ITGAV: variants seen among roughly 807,000 people sequenced by gnomAD.
ITGAV encodes the protein integrin subunit alpha V, also known as integrin alpha-V.
Under a neutral mutation model 143.8 loss-of-function variants are expected in ITGAV, and 76 were observed. The ratio of observed to expected loss-of-function variants is 0.53; its 90% CI spans 0.44 to 0.64. ITGAV has a LOEUF of 0.64. ITGAV is among the 30% of genes least tolerant of loss of function. The pLI, the probability that ITGAV is intolerant of heterozygous loss-of-function variation, is 0.00. For synonymous variants in ITGAV, 453 were observed against 446.7 expected (o/e 1.01, Z -0.18); for missense variants, 1,193 against 1,274.7 (o/e 0.94, Z 0.98).
intron 1 of ITGAV, among the ~76,000 whole-genome samples, chr2:186,592,483 T>C (rs1440272968): frequency 4.0e-5 from 6 of 151,744 alleles, no homozygotes; most frequent in African/African-American, 1.2e-4. Flanking sequence ...CAAAATAAAG[T>C]TGATGGCAGT....
At chr2:186,603,052 G>T (rs1686958040) in intron 2 of ITGAV, among the ~76,000 whole-genome samples, 1 of 152,146 alleles carries the variant, frequency 6.6e-6, no homozygotes, top group African/African-American at 2.4e-5. Context: ...AAAATAGCAT[G>T]TGTAAGATGA....
chr2:186,668,447 C>T, intron 24 of ITGAV: 1 of 269,770 alleles, frequency 3.7e-6, no homozygotes, highest in South Asian at 3.6e-5. Context: ...CCACGTTGGC[C>T]AGGCTGGACA....
At chr2:186,657,955 A>G (rs1052621273) in intron 17 of ITGAV, among the ~76,000 whole-genome samples, 2 of 88,204 alleles carry the variant, frequency 2.3e-5, no homozygotes, top group Non-Finnish European at 4.9e-5. Flanking sequence ...CTTTGAAAGA[A>G]AAAAAAAACC....
intron 2 of ITGAV, among the ~76,000 whole-genome samples, chr2:186,618,261 G>T (rs1251525588): frequency 6.6e-6 from 1 of 152,240 alleles, no homozygotes; most frequent in Non-Finnish European, 1.5e-5. Flanking sequence ...ACATGAGGTT[G>T]TAACTCTGTT....
rs1559065978 is a variant in ITGAV at position 186,663,833 on chromosome 2, T to C, written c.1923T>C (p.Asp641=). ...AACCCAAGCTGGAAGTTTCTGTAGA[T>C]AGGTAAGTTTTGCTTGAAATAATAA... is the stretch of plus-strand genomic sequence containing the variant. The part of the protein sequence containing the change: ...VCKPKLEVSV[D]SDQKKIYIGD... The change falls in exon 19 of 30, where the codon GAT becomes GAC. Residue 641 remains aspartate, a splice_region_variant and synonymous_variant. Coordinates refer to ENST00000261023, the MANE Select transcript of ITGAV (RefSeq NM_002210.5). 3 of 1,605,452 alleles carry C rather than the reference T, an allele frequency of 1.9e-6. No individual in the cohort carries two copies. Among genetic ancestry groups the C allele is most frequent in the Non-Finnish European group, 1.7e-6 (2 of 1,172,598 alleles).
chr2:186,600,266 A>G, intron 1 of ITGAV: 1 of 1,375,288 alleles, frequency 7.3e-7, no homozygotes, highest in Non-Finnish European at 1.0e-6. Flanking sequence ...TGCCTCACAT[A>G]TTCCCTCCAT....
chr2:186,637,325 C>A (rs1687972914), intron 8 of ITGAV, among the ~76,000 whole-genome samples: 1 of 151,256 alleles, frequency 6.6e-6, no homozygotes, highest in Non-Finnish European at 1.5e-5. Context: ...CTAGAAAAAA[C>A]ACAAAAATTA....
At chr2:186,671,468 T>G (rs1689061291) in intron 26 of ITGAV, among the ~76,000 whole-genome samples, 1 of 152,156 alleles carries the variant, frequency 6.6e-6, no homozygotes, top group South Asian at 2.1e-4. Context: ...GTGGCTTATT[T>G]TCCCATATCC....
intron 26 of ITGAV, among the ~76,000 whole-genome samples, chr2:186,673,568 T>A (rs1559070377): frequency 6.6e-6 from 1 of 152,206 alleles, no homozygotes; most frequent in South Asian, 2.1e-4. Flanking sequence ...TACCATTTTT[T>A]CAACAATATT....
At chr2:186,671,974 CAG>C (rs1689077115) in intron 26 of ITGAV, among the ~76,000 whole-genome samples, 2 of 122,514 alleles carry the variant, frequency 1.6e-5, no homozygotes, top group Admixed American at 1.0e-4. Context: ...TTTTTTGAGA[CAG>C]AGTCTCGCTC....
chr2:186,664,512 T>C lies in ITGAV; in HGVS notation c.1944T>C (p.Tyr648=). The C allele has an allele frequency of 6.2e-7, 1 of 1,614,036 alleles. No individual in the cohort carries two copies. ...CTTGTAGTGATCAAAAGAAGATCTA[T>C]ATTGGGGATGACAACCCTCTGACAT... ...VSVDSDQKKI[Y]IGDDNPLTLI... is the part of the protein sequence containing the mutation. The change falls in exon 20 of 30, where the codon TAT becomes TAC. Residue 648 remains tyrosine (Y), a synonymous_variant. Transcript: ENST00000261023.
chr2:186,665,533 C>G (rs1381631473), intron 21 of ITGAV, among the ~76,000 whole-genome samples: 1 of 152,074 alleles, frequency 6.6e-6, no homozygotes, highest in East Asian at 1.9e-4. Context: ...CTTAATGGAT[C>G]CTGAAAAGCT....
Position 186,678,768 on chromosome 2 carries a change from A to G in ITGAV, c.*1476A>G, listed in dbSNP as rs1484656785. The G allele has an allele frequency of 1.1e-5, 5 of 455,508 alleles. No homozygotes were observed. Among genetic ancestry groups the G allele is most frequent in the Admixed American group, 9.4e-5 (4 of 42,502 alleles). The allele number at this position is 455,508 out of a possible 1,614,324, so 28.2% of individuals were successfully genotyped here. On this transcript the variant is annotated 3_prime_UTR_variant, in exon 30 of 30. Coordinates refer to ENST00000261023, the MANE Select transcript of ITGAV (RefSeq NM_002210.5). ...ACATCATGTTGTACATTAGAAATGGAGAGTTTAATAGCTCTTTAACTGCTG... is the reference window on the plus strand; with the variant it reads ...ACATCATGTTGTACATTAGAAATGGGGAGTTTAATAGCTCTTTAACTGCTG...
At chr2:186,641,340 A>G (rs749751864) in intron 11 of ITGAV, 46 bp from the exon 12 acceptor site, 2 of 1,471,402 alleles carry the variant, frequency 1.4e-6, no homozygotes, top group East Asian at 2.3e-5. Context: ...GCCTACTAAG[A>G]CATGAAATTT....
At chr2:186,643,206 A>C (rs548855438) in intron 12 of ITGAV, among the ~76,000 whole-genome samples, 1 of 152,348 alleles carries the variant, frequency 6.6e-6, no homozygotes, top group Non-Finnish European at 1.5e-5. Flanking sequence ...GATCTAGCCA[A>C]CATCTCTTCC....
Position 186,633,004 on chromosome 2 carries a change from C to G in ITGAV, c.586-325C>G, listed in dbSNP as rs146337338. ...TACTAGATAGATAGATAGATAGATA[C>G]ATAGACAGATAGATACATAGACAGA... On this transcript the variant is annotated intron_variant, in intron 5 of 29. Coordinates refer to ENST00000261023, the MANE Select transcript of ITGAV (RefSeq NM_002210.5). Among the ~76,000 whole-genome samples, 815 of 149,128 alleles carry G rather than the reference C, an allele frequency of 5.5e-3. 3 individuals carry two copies. Among genetic ancestry groups the G allele is most frequent in the African/African-American group, 0.019 (778 of 40,294 alleles).
chr2:186,656,458 C>T lies in ITGAV; in HGVS notation c.1719+57C>T, dbSNP rs1044883511. 12 of 1,241,170 alleles carry T rather than the reference C, an allele frequency of 9.7e-6. No homozygotes were observed. The African/African-American group carries it at 1.9e-4, about 20-fold the overall frequency. The allele number at this position is 1,241,170 out of a possible 1,614,324, so 76.9% of individuals were successfully genotyped here. On this transcript the variant is annotated intron_variant, in intron 17 of 29. Coordinates refer to ENST00000261023, the MANE Select transcript of ITGAV (RefSeq NM_002210.5). ...TCCTTTTTAGTCATTAGTTTTTTAT[C>T]TAAATGATTTTCACTTTCTGTAAAT...
chr2:186,657,923 G>A (rs912161551), intron 17 of ITGAV, among the ~76,000 whole-genome samples: 26 of 151,396 alleles, frequency 1.7e-4, no homozygotes, highest in African/African-American at 6.1e-4. Flanking sequence ...TCAAGAACAA[G>A]ACTTCTCAAT....
Position 186,667,089 on chromosome 2 carries a change from C to T in ITGAV, c.2247-61C>T, listed in dbSNP as rs550621062. 72 of 1,284,378 alleles carry T rather than the reference C, an allele frequency of 5.6e-5. 2 individuals are homozygous for T. The South Asian group carries it at 8.2e-4, about 15-fold the overall frequency. 79.6% of individuals were successfully genotyped at this position (1,284,378 alleles called of 1,614,324 possible). A position where few individuals can be genotyped will look rare whatever the true frequency, so the allele number is the denominator to read the frequency against. ...TAATTTTTAGTTTCACTGGGTTTGC[C>T]TCTGTATGTTCTTGGTTGTTATGCA... On this transcript the variant is annotated intron_variant, in intron 22 of 29. Coordinates refer to ENST00000261023, the MANE Select transcript of ITGAV (RefSeq NM_002210.5).
Sources: allele counts gnomAD v4.1 joint callset (sites outside exome capture counted in the v4.1 genomes callset), GRCh38; gene constraint gnomAD v4.1.1; transcripts MANE v1.5; gene names NCBI Gene and HGNC (gene_info 2026-07-23, HGNC 2026-07-21).